Variants in ZC2HC1A observed in about 807,000 individuals in gnomAD.
The protein encoded by ZC2HC1A is zinc finger C2HC-type containing 1A.
A neutral mutation model predicts 40.7 loss-of-function variants in ZC2HC1A; 28 were observed. The ratio of observed to expected loss-of-function variants is 0.69; its 90% CI spans 0.51 to 0.94. ZC2HC1A has a LOEUF of 0.94. ZC2HC1A is among the 40% of genes least tolerant of loss of function. The pLI, the probability that ZC2HC1A is intolerant of heterozygous loss-of-function variation, is 0.00. For missense variants in ZC2HC1A, 389 were observed against 386.3 expected, an observed-to-expected ratio of 1.01 and a Z score of -0.06; for synonymous variants, 129 against 129.2, an observed-to-expected ratio of 1.00 and a Z score of 0.01.
rs764372475 is a variant in ZC2HC1A at position 78,666,156 on chromosome 8, G to T, written c.8G>T (p.Gly3Val). The change falls in exon 1 of 9, where the codon GGA becomes GTA. Residue 3 changes from glycine to valine, a missense_variant. Gly to Val is a moderately radical substitution (Grantham distance 109). Transcript: ENST00000263849. ...GCTCGAGGAGGTGGCGCGATGGAGG[G>T]ACTGGAAGGTGAGGCGATGAAGGGA... ME[G>V]LEENGGVVQV... 3 of 1,574,230 alleles carry T rather than the reference G, an allele frequency of 1.9e-6. No individual in the cohort carries two copies. Among genetic ancestry groups the T allele is most frequent in the South Asian group, 1.2e-5 (1 of 85,540 alleles).
chr8:78,691,165 G>A (rs1485408415), intron 5 of ZC2HC1A, among the ~76,000 whole-genome samples: 2 of 152,132 alleles, frequency 1.3e-5, no homozygotes, highest in African/African-American at 4.8e-5. Context: ...TAGGTGAAAA[G>A]CATTGTTTTT....
At position 78,677,226 on chromosome 8, in the gene ZC2HC1A, A is replaced by G. The variant is rs890912586; in HGVS notation, c.94-1337A>G. 5.9e-5 allele frequency among the ~76,000 whole-genome samples: 9 copies of G among 152,266 alleles called. No homozygotes were observed. The East Asian group carries it at 1.7e-3, about 29-fold the overall frequency. On this transcript the variant is annotated intron_variant, in intron 2 of 8. Transcript: ENST00000263849. ...AGTATTTAGTTTACCGATGTCATCAATCATCATGCTTAATATAGTGGAGGG... is the reference window on the plus strand; with the variant it reads ...AGTATTTAGTTTACCGATGTCATCAGTCATCATGCTTAATATAGTGGAGGG...
intron 5 of ZC2HC1A, among the ~76,000 whole-genome samples, chr8:78,697,063 A>T (rs1286365952): frequency 4.6e-5 from 7 of 152,164 alleles, no homozygotes; most frequent in Non-Finnish European, 1.0e-4. Flanking sequence ...CTTTGAGGTG[A>T]TATATTTTAA....
rs962627930 is a variant in ZC2HC1A at position 78,696,822 on chromosome 8, A to G, written c.505-585A>G. Among the ~76,000 whole-genome samples the G allele has an allele frequency of 2.6e-5, 4 of 152,326 alleles. No individual in the cohort carries two copies. The East Asian group carries it at 7.7e-4, about 29-fold the overall frequency. On this transcript the variant is annotated intron_variant, in intron 5 of 8. Transcript: ENST00000263849. ...TATCAGTAGGAAATATGGCTGAATT[A>G]TATATATGGAATATAAAAACACATC...
intron 7 of ZC2HC1A, among the ~76,000 whole-genome samples, chr8:78,707,939 G>A (rs1182691645): frequency 6.0e-5 from 9 of 150,346 alleles, no homozygotes; most frequent in Admixed American, 6.0e-4. Context: ...GACTATGTCT[G>A]CCTTGCTTCC....
intron 1 of ZC2HC1A, among the ~76,000 whole-genome samples, chr8:78,675,361 G>T (rs1809547532): frequency 6.6e-6 from 1 of 151,810 alleles, no homozygotes. Context: ...TTTTATTCTA[G>T]ATTCTTCAAA....
intron 5 of ZC2HC1A, among the ~76,000 whole-genome samples, chr8:78,691,103 A>G (rs1020752997): frequency 6.6e-6 from 1 of 152,132 alleles, no homozygotes; most frequent in African/African-American, 2.4e-5. Flanking sequence ...GGCTAGACTA[A>G]TGTTGAATAG....
chr8:78,666,216 C>G (rs1809292471), intron 1 of ZC2HC1A, 52 bp downstream of exon 1: 2 of 1,557,804 alleles, frequency 1.3e-6, no homozygotes, highest in Non-Finnish European at 1.7e-6. Context: ...CCCGAAACAG[C>G]TGGGGACCCT....
intron 5 of ZC2HC1A, 77 bp downstream of exon 5, chr8:78,689,450 A>T (rs1308710501): frequency 7.3e-7 from 1 of 1,367,672 alleles, no homozygotes; most frequent in Admixed American, 2.6e-5. Context: ...TATGCTTTTC[A>T]TGACATTAGA....
chr8:78,716,409 C>G (rs1811104570), intron 8 of ZC2HC1A, among the ~76,000 whole-genome samples: 1 of 152,130 alleles, frequency 6.6e-6, no homozygotes, highest in African/African-American at 2.4e-5. Context: ...AGGTGTGAGC[C>G]ACCGCACCCG....
At chr8:78,680,083 A>G (rs901690680) in intron 3 of ZC2HC1A, among the ~76,000 whole-genome samples, 4 of 152,094 alleles carry the variant, frequency 2.6e-5, no homozygotes, top group African/African-American at 7.2e-5. Context: ...GCTTCTGTTC[A>G]CTGTAACATG....
intron 7 of ZC2HC1A, among the ~76,000 whole-genome samples, chr8:78,701,234 A>G (rs1482760206): frequency 1.3e-5 from 2 of 151,944 alleles, no homozygotes; most frequent in Non-Finnish European, 2.9e-5. Context: ...ATTCTTAGGT[A>G]TTTTATTCTT....
In ZC2HC1A at chr8:78,666,089, A is replaced by G. The variant is rs1039023851; in HGVS notation, c.-60A>G. 3.2e-6 allele frequency: 5 copies of G among 1,553,498 alleles called. No individual in the cohort carries two copies. In the Admixed American group the frequency reaches 5.9e-5, roughly 18 times the overall value. ...GAGGTGCGGCTGGGTTGCTACAGCC[A>G]GAGCTGGGCGGTGGCGGGCGCTGCT... On this transcript the variant is annotated 5_prime_UTR_variant, in exon 1 of 9. Transcript: ENST00000263849.
intron 5 of ZC2HC1A, among the ~76,000 whole-genome samples, chr8:78,696,248 A>T (rs1043043749): frequency 2.0e-5 from 3 of 152,026 alleles, no homozygotes; most frequent in Non-Finnish European, 4.4e-5. Context: ...GTTAGCCAGG[A>T]TGGTCTCGAT....
intron 3 of ZC2HC1A, among the ~76,000 whole-genome samples, chr8:78,685,667 G>A (rs921996223): frequency 6.6e-6 from 1 of 152,148 alleles, no homozygotes; most frequent in African/African-American, 2.4e-5. Flanking sequence ...ATTTAAAAAG[G>A]TGCTCAGTCT....
intron 4 of ZC2HC1A, among the ~76,000 whole-genome samples, chr8:78,687,550 T>A (rs1426623860): frequency 2.1e-5 from 3 of 143,304 alleles, no homozygotes; most frequent in Non-Finnish European, 3.0e-5. Flanking sequence ...ATAATAAATT[T>A]TATATTTACA....
chr8:78,693,577 T>G (rs1452644705), intron 5 of ZC2HC1A, among the ~76,000 whole-genome samples: 2 of 151,904 alleles, frequency 1.3e-5, no homozygotes, highest in Non-Finnish European at 2.9e-5. Flanking sequence ...TTTGATGGGG[T>G]TGTTTGTTTT....
rs183054695 is a variant in ZC2HC1A at position 78,718,521 on chromosome 8, A to G, written c.*1028A>G. 1 of 151,986 alleles carries G rather than the reference A, an allele frequency of 6.6e-6. No individual in the cohort carries two copies. Among genetic ancestry groups the G allele is most frequent in the Non-Finnish European group, 1.5e-5 (1 of 67,752 alleles). 9.4% of individuals were successfully genotyped at this position (151,986 alleles called of 1,614,324 possible). A position where few individuals can be genotyped will look rare whatever the true frequency, so the allele number is the denominator to read the frequency against. On this transcript the variant is annotated 3_prime_UTR_variant, in exon 9 of 9. Transcript: ENST00000263849. ...TTGAATTTTTTTTTCTTGGAAGTACATGTAGTTATGAGTAGGTTAAGAGAA... is the reference window on the plus strand; with the variant it reads ...TTGAATTTTTTTTTCTTGGAAGTACGTGTAGTTATGAGTAGGTTAAGAGAA...
chr8:78,698,558 G>A (rs765156804), intron 7 of ZC2HC1A, 45 bp downstream of exon 7: 21 of 1,348,870 alleles, frequency 1.6e-5, no homozygotes, highest in Admixed American at 7.1e-5. Context: ...ATAATTAAAC[G>A]ATACTAAGGT....
Sources: gnomAD v4.1 joint callset for allele counts (sites outside exome capture counted in the v4.1 genomes callset) on GRCh38, gnomAD v4.1.1 for gene constraint, MANE v1.5 for transcripts, NCBI Gene and HGNC (gene_info 2026-07-23, HGNC 2026-07-21) for gene names.